The following STOML3 variants were observed in gnomAD, a reference collection of about 807,000 sequenced individuals.
STOML3 encodes stomatin like 3.
Under a neutral mutation model 29.5 loss-of-function variants are expected in STOML3, and 31 were observed. The ratio of observed to expected loss-of-function variants is 1.05; its 90% CI spans 0.79 to 1.42. The LOEUF (loss-of-function observed/expected upper bound fraction) is 1.42. STOML3 is among the 40% of genes most tolerant of loss of function. STOML3 has a pLI of 0.00. For synonymous variants in STOML3, 122 were observed against 139.8 expected (o/e 0.87, Z 0.90); for missense variants, 380 against 363.0 (o/e 1.05, Z -0.38).
chr13:38,970,995 T>TCACTAAG (rs1373747238), intron 4 of STOML3, among the ~76,000 whole-genome samples: 1 of 151,930 alleles, frequency 6.6e-6, no homozygotes, highest in Admixed American at 6.6e-5. Flanking sequence ...CTACTGTAGG[T>TCACTAAG]CACTAAGCAT....
chr13:38,985,724 A>G (rs1171299557), intron 1 of STOML3, among the ~76,000 whole-genome samples: 1 of 151,958 alleles, frequency 6.6e-6, no homozygotes, highest in Non-Finnish European at 1.5e-5. Context: ...ATATATTTTT[A>G]AGTTTATAAA....
At chr13:38,983,317 A>T (rs1294778286) in intron 1 of STOML3, among the ~76,000 whole-genome samples, 1 of 152,214 alleles carries the variant, frequency 6.6e-6, no homozygotes, top group Non-Finnish European at 1.5e-5. Context: ...GCTCAGACTG[A>T]GTTCTGGCCT....
chr13:38,980,812 T>C (rs1458817944), intron 1 of STOML3, among the ~76,000 whole-genome samples: 1 of 151,890 alleles, frequency 6.6e-6, no homozygotes, highest in Non-Finnish European at 1.5e-5. Flanking sequence ...TCTATTACAA[T>C]GCCTTGGTCT....
chr13:38,988,075 A>T (rs1222355733), intron 1 of STOML3, among the ~76,000 whole-genome samples: 1 of 108,648 alleles, frequency 9.2e-6, no homozygotes, highest in African/African-American at 3.4e-5. Flanking sequence ...ATTTTATATC[A>T]TATATTTTAT....
rs397851686 is a variant in STOML3 at position 38,977,750 on chromosome 13, A to ATTTTTTTTTTTTTTTTTTTTTT, written c.53-975_53-954dup. On this transcript the variant is annotated intron_variant, in intron 1 of 6. Coordinates refer to ENST00000379631, the MANE Select transcript of STOML3 (RefSeq NM_145286.3). ...ATTATATAATTTCTGAAGTCTCCGG[A>ATTTTTTTTTTTTTTTTTTTTTT]TTTTTTTTTTTTTTTTTTTTTTTTT... Among the ~76,000 whole-genome samples, 85 of 84,234 alleles carry ATTTTTTTTTTTTTTTTTTTTTT rather than the reference A, an allele frequency of 1.0e-3. 3 individuals are homozygous for ATTTTTTTTTTTTTTTTTTTTTT. Among genetic ancestry groups the ATTTTTTTTTTTTTTTTTTTTTT allele is most frequent in the Admixed American group, 2.4e-3 (13 of 5,470 alleles). 55.3% of individuals were successfully genotyped at this position (84,234 alleles called of 152,430 possible). A position where few individuals can be genotyped will look rare whatever the true frequency, so the allele number is the denominator to read the frequency against.
chr13:38,985,911 C>CTTTTTTTTT (rs1170409048), intron 1 of STOML3, among the ~76,000 whole-genome samples: 131 of 85,590 alleles, frequency 1.5e-3, no homozygotes, highest in Middle Eastern at 0.014. Context: ...TCTTTTCTTT[C>CTTTTTTTTT]TTTTTTTTTT....
chr13:38,968,544 A>G lies in STOML3; in HGVS notation c.517-10T>C. 6.2e-7 allele frequency: 1 copy of G among 1,613,942 alleles called. No individual in the cohort carries two copies. Among genetic ancestry groups the G allele is most frequent in the Non-Finnish European group, 8.5e-7 (1 of 1,179,812 alleles). On this transcript the variant is annotated splice_polypyrimidine_tract_variant and intron_variant, in intron 5 of 6. Transcript: ENST00000379631. ...CATCATCAAGTAAAGTCTGTTTCCA[A>G]ATTAAAAGGGAAGACTAATAAGAAA...
intron 5 of STOML3, 75 bp downstream of exon 5, chr13:38,970,110 G>C: frequency 3.6e-6 from 5 of 1,403,356 alleles, no homozygotes; most frequent in South Asian, 1.3e-5. Context: ...GCTTTGAACT[G>C]CTGACATTTA....
chr13:38,968,476 T>C lies in STOML3; in HGVS notation c.575A>G (p.Lys192Arg), dbSNP rs769026500. ...WGIRVARVEI[K>R]DVRIPVQLQR... ...CAACTGCACGGGAATCCGAACATCT[T>C]TGATTTCCACTCGGGCCACCCGGAT... The change falls in exon 6 of 7, where the codon AAA (lysine) becomes AGA (arginine). Residue 192 changes from lysine (K) to arginine (R), a missense_variant. Lys to Arg is a conservative substitution (Grantham distance 26). Transcript: ENST00000379631. The C allele has an allele frequency of 7.4e-6, 12 of 1,614,028 alleles. No homozygotes were observed. The highest frequency in any genetic ancestry group is 6.7e-5 in the Admixed American group (4 of 60,000).
In STOML3 at chr13:38,976,718, G is replaced by A. The variant is rs1440737117; in HGVS notation, c.132C>T (p.Pro44=). The A allele has an allele frequency of 6.2e-7, 1 of 1,613,964 alleles. No individual in the cohort carries two copies. The highest frequency in any genetic ancestry group is 8.5e-7 in the Non-Finnish European group (1 of 1,179,936). ...CCTTCAAGCACATCCATATGGAGAT[G>A]GGGAAGGTAATGATCACCAACAGGA... is the stretch of plus-strand genomic sequence containing the variant. The part of the protein sequence containing the change: ...LSFLLVIITF[P]ISIWMCLKII... Residue 44 remains proline, a synonymous_variant, in exon 2 of 7, where the codon CCC becomes CCT. Coordinates refer to ENST00000379631, the MANE Select transcript of STOML3 (RefSeq NM_145286.3).
intron 1 of STOML3, chr13:38,980,221 A>G: frequency 7.6e-7 from 1 of 1,314,312 alleles, no homozygotes; most frequent in African/African-American, 1.5e-5. Flanking sequence ...GGCTTCTGGG[A>G]GAATTGGTGG....
chr13:38,975,522 C>T (rs770521663), intron 3 of STOML3, among the ~76,000 whole-genome samples: 21 of 151,960 alleles, frequency 1.4e-4, no homozygotes, highest in Non-Finnish European at 2.5e-4. Context: ...ACAATTTATT[C>T]AAATAAGCCA....
chr13:38,980,211 G>A (rs557347177), intron 1 of STOML3: 21 of 1,408,302 alleles, frequency 1.5e-5, no homozygotes, highest in African/African-American at 8.6e-5. Context: ...CCCAGGCCGC[G>A]GCTTCTGGGA....
chr13:38,982,288 T>G (rs1216784776), intron 1 of STOML3, among the ~76,000 whole-genome samples: 2 of 151,872 alleles, frequency 1.3e-5, no homozygotes, highest in Non-Finnish European at 2.9e-5. Context: ...AAAAACAAAA[T>G]TGTCATTATA....
At chr13:38,982,063 A>G (rs1394944473) in intron 1 of STOML3, among the ~76,000 whole-genome samples, 1 of 152,294 alleles carries the variant, frequency 6.6e-6, no homozygotes, top group African/African-American at 2.4e-5. Flanking sequence ...TCATATTCAA[A>G]GGAATATTAC....
intron 5 of STOML3, among the ~76,000 whole-genome samples, chr13:38,968,894 C>T (rs1204637900): frequency 5.3e-5 from 8 of 152,088 alleles, no homozygotes; most frequent in African/African-American, 9.7e-5. Flanking sequence ...CAGCAATGAA[C>T]GGGTTTCTCA....
At chr13:38,972,021 C>T (rs576060201) in intron 4 of STOML3, among the ~76,000 whole-genome samples, 1 of 152,354 alleles carries the variant, frequency 6.6e-6, no homozygotes, top group South Asian at 2.1e-4. Flanking sequence ...TGCCTGCCCC[C>T]TCTATTGCAT....
Position 38,976,760 on chromosome 13 carries a change from G to A in STOML3, c.90C>T (p.Ile30=), listed in dbSNP as rs149124017. ...CCAACAGGAAAGAGAGGGAAAACAG[G>A]ATCCAGCCACATACACCAAGCCGTT... ...NNKRLGVCGW[I]LFSLSFLLVI... The change falls in exon 2 of 7, where the codon ATC becomes ATT. Residue 30 remains isoleucine (I), a synonymous_variant. Transcript: ENST00000379631. 8 of 1,614,000 alleles carry A rather than the reference G, an allele frequency of 5.0e-6. No individual in the cohort carries two copies. The African/African-American group carries it at 9.3e-5, about 19-fold the overall frequency.
chr13:38,975,537 G>A (rs139512588), intron 3 of STOML3, among the ~76,000 whole-genome samples: 3 of 152,104 alleles, frequency 2.0e-5, no homozygotes, highest in Non-Finnish European at 4.4e-5. Flanking sequence ...AAGCCATAAT[G>A]GGGGCAGAAA....
Sources: gnomAD v4.1 joint callset for allele counts (sites outside exome capture counted in the v4.1 genomes callset) on GRCh38, gnomAD v4.1.1 for gene constraint, MANE v1.5 for transcripts, NCBI Gene and HGNC (gene_info 2026-07-23, HGNC 2026-07-21) for gene names.